CAMSAP1: variants seen among roughly 807,000 people sequenced by gnomAD.
CAMSAP1 encodes the protein calmodulin-regulated spectrin-associated protein 1.
Under a neutral mutation model 143.5 loss-of-function variants are expected in CAMSAP1, and 58 were observed. The observed-to-expected ratio is 0.40, with a 90% CI of 0.33 to 0.50. The LOEUF is 0.50. CAMSAP1 is among the 20% of genes least tolerant of loss of function. CAMSAP1 has a pLI of 0.45. For missense variants in CAMSAP1, 1,969 were observed against 2,115.7 expected (o/e 0.93, Z 1.36); for synonymous variants, 945 against 859.3 (o/e 1.10, Z -1.74).
At chr9:135,814,069 C>T (rs1430225185) in intron 16 of CAMSAP1, among the ~76,000 whole-genome samples, 6 of 152,198 alleles carry the variant, frequency 3.9e-5, no homozygotes, top group Non-Finnish European at 8.8e-5. Flanking sequence ...TCTCCGCATG[C>T]AGGGTGATCC....
At chr9:135,860,597 CAAAAAAAAAAAAAA>C (rs35415924) in intron 5 of CAMSAP1, among the ~76,000 whole-genome samples, 1 of 62,050 alleles carries the variant, frequency 1.6e-5, no homozygotes, top group South Asian at 5.7e-4. Context: ...GACTCTGCCT[CAAAAAAAAAAAAAA>C]AAAAAAAAAA....
chr9:135,833,231 G>A (rs1024212832), intron 7 of CAMSAP1, among the ~76,000 whole-genome samples: 4 of 151,930 alleles, frequency 2.6e-5, no homozygotes, highest in South Asian at 4.2e-4. Flanking sequence ...ACAGGCGCCC[G>A]CCACTACGCC....
chr9:135,868,144 T>A (rs752210633), intron 3 of CAMSAP1, among the ~76,000 whole-genome samples: 11 of 151,298 alleles, frequency 7.3e-5, no homozygotes, highest in Non-Finnish European at 1.3e-4. Context: ...ACAAAAAAGC[T>A]GAGAGAATTC....
intron 4 of CAMSAP1, among the ~76,000 whole-genome samples, chr9:135,865,819 A>C (rs911365037): frequency 2.0e-5 from 3 of 152,144 alleles, no homozygotes; most frequent in African/African-American, 7.2e-5. Flanking sequence ...GTGCCACTGG[A>C]GGGGGAAGAA....
chr9:135,880,858 T>C (rs543980854), intron 3 of CAMSAP1, among the ~76,000 whole-genome samples: 1 of 152,188 alleles, frequency 6.6e-6, no homozygotes, highest in African/African-American at 2.4e-5. Context: ...TTATAAATCA[T>C]TAGACACTAC....
chr9:135,893,462 A>G (rs1838352747), intron 1 of CAMSAP1, among the ~76,000 whole-genome samples: 1 of 152,212 alleles, frequency 6.6e-6, no homozygotes, highest in Non-Finnish European at 1.5e-5. Context: ...GTTGTAGAAC[A>G]GAAAAACATA....
intron 3 of CAMSAP1, among the ~76,000 whole-genome samples, chr9:135,874,487 G>GC (rs1443102724): frequency 6.7e-6 from 1 of 148,154 alleles, no homozygotes; most frequent in African/African-American, 2.5e-5. Context: ...AAGGGGGGGG[G>GC]GGGCCACAGG....
intron 7 of CAMSAP1, among the ~76,000 whole-genome samples, chr9:135,831,530 AAGC>A (rs1392101551): frequency 6.6e-6 from 1 of 152,128 alleles, no homozygotes; most frequent in African/African-American, 2.4e-5. Flanking sequence ...ATTAACGAAG[AAGC>A]AGGACTTTAA....
chr9:135,837,013 G>GA, intron 7 of CAMSAP1: 1 of 870,500 alleles, frequency 1.1e-6, no homozygotes, highest in Non-Finnish European at 1.4e-6. Context: ...ACCTGTTCTA[G>GA]AGACACACGT....
At chr9:135,836,773 G>C in intron 7 of CAMSAP1, 4 of 978,448 alleles carry the variant, frequency 4.1e-6, no homozygotes, top group Non-Finnish European at 4.8e-6. Flanking sequence ...CTTCTACCCT[G>C]TTCTACAGAC....
intron 7 of CAMSAP1, among the ~76,000 whole-genome samples, chr9:135,839,294 T>C (rs1836254392): frequency 6.6e-6 from 1 of 152,212 alleles, no homozygotes; most frequent in Non-Finnish European, 1.5e-5. Context: ...TATGAATAGC[T>C]ATGAGTCTGT....
Position 135,810,249 on chromosome 9 carries a change from G to C in CAMSAP1, c.*1060C>G, listed in dbSNP as rs1046063167. 3 of 152,124 alleles carry C rather than the reference G, an allele frequency of 2.0e-5. No homozygotes were observed. The highest frequency in any genetic ancestry group is 7.2e-5 in the African/African-American group (3 of 41,420). The allele number at this position is 152,124 out of a possible 1,614,324, so 9.4% of individuals were successfully genotyped here. On this transcript the variant is annotated 3_prime_UTR_variant, in exon 17 of 17. Coordinates refer to ENST00000389532, the MANE Select transcript of CAMSAP1 (RefSeq NM_015447.4). ...TAACCACTTAATTGTTTTTAAATAGGCAACAAAACAAAAGTATCCATCTAC... is the reference window on the plus strand; with the variant it reads ...TAACCACTTAATTGTTTTTAAATAGCCAACAAAACAAAAGTATCCATCTAC...
rs1458231385 is a variant in CAMSAP1 at position 135,821,590 on chromosome 9, A to G, written c.3071T>C (p.Ile1024Thr). ...VVDVNECDLS[I>T]EKLNETISTL... ...ACTGATGGTTTCGTTAAGCTTCTCG[A>G]TGGAAAGGTCACATTCATTCACGTC... is the stretch of plus-strand genomic sequence containing the variant. Residue 1024 changes from isoleucine to threonine, a missense_variant, in exon 11 of 17, where the codon ATC (isoleucine) becomes ACC (threonine). Coordinates refer to ENST00000389532, the MANE Select transcript of CAMSAP1 (RefSeq NM_015447.4). The surrounding 1 kb of genome is among the most constrained non-coding windows in gnomAD (Gnocchi z 4.6). The G allele has an allele frequency of 6.2e-7, 1 of 1,613,890 alleles. No homozygotes were observed. Among genetic ancestry groups the G allele is most frequent in the Non-Finnish European group, 8.5e-7 (1 of 1,179,840 alleles).
intron 8 of CAMSAP1, among the ~76,000 whole-genome samples, chr9:135,825,689 GGGCAGCT>G (rs1156397925): frequency 1.3e-5 from 2 of 152,194 alleles, no homozygotes; most frequent in Non-Finnish European, 2.9e-5. Context: ...TCACACTGCA[GGGCAGCT>G]ATCTTGCTTG....
intron 7 of CAMSAP1, among the ~76,000 whole-genome samples, chr9:135,829,281 C>G (rs1307083208): frequency 6.6e-6 from 1 of 151,350 alleles, no homozygotes; most frequent in Non-Finnish European, 1.5e-5. Flanking sequence ...GTGGGAAGAC[C>G]ACTTCAGCTC....
At chr9:135,871,553 T>C (rs1483934457) in intron 3 of CAMSAP1, among the ~76,000 whole-genome samples, 1 of 152,192 alleles carries the variant, frequency 6.6e-6, no homozygotes, top group African/African-American at 2.4e-5. Context: ...TGAAATCAAC[T>C]TACTGTTATT....
intron 1 of CAMSAP1, among the ~76,000 whole-genome samples, chr9:135,903,681 T>C (rs376625264): frequency 1.3e-4 from 20 of 152,242 alleles, no homozygotes; most frequent in East Asian, 5.8e-4. Flanking sequence ...AGCAACCTAA[T>C]GAACAAGCCT....
rs1284060451 is a variant in CAMSAP1 at position 135,882,056 on chromosome 9, A to C, written c.424-262T>G. 6.6e-6 allele frequency among the ~76,000 whole-genome samples: 1 copy of C among 152,192 alleles called. No individual in the cohort carries two copies. Among genetic ancestry groups the C allele is most frequent in the South Asian group, 2.1e-4 (1 of 4,834 alleles). The stretch of plus-strand genomic sequence containing the variant: ...AGGCCAGCCCTGTGGCCCACAGTGC[A>C]CTGTCTCACACTGTCCTTTCTTATC... On this transcript the variant is annotated intron_variant, in intron 2 of 16. Coordinates refer to ENST00000389532, the MANE Select transcript of CAMSAP1 (RefSeq NM_015447.4). The surrounding 1 kb of genome is among the most constrained non-coding windows in gnomAD (Gnocchi z 4.9).
At position 135,811,420 on chromosome 9, in the gene CAMSAP1, G is replaced by A; in HGVS notation, c.4698C>T (p.Asn1566=). The change falls in exon 17 of 17, where the codon AAC becomes AAT. Residue 1566 remains asparagine (N), a synonymous_variant. Transcript: ENST00000389532. This position sits in a 1 kb window ranked among gnomAD's most constrained non-coding sequence, Gnocchi z 4.9. ...CAGACATGGTTTTGGCTGGGATCAA[G>A]TTAAACTGTTTTCGGTCTGAGCTGT... ...YKYSSDRKQF[N]LIPAKTMSVS... 1 of 1,612,948 alleles carries A rather than the reference G, an allele frequency of 6.2e-7. No homozygotes were observed. Among genetic ancestry groups the A allele is most frequent in the South Asian group, 1.1e-5 (1 of 90,780 alleles).
Sources: allele counts gnomAD v4.1 joint callset (sites outside exome capture counted in the v4.1 genomes callset), GRCh38; gene constraint gnomAD v4.1.1; non-coding constraint Gnocchi (gnomAD v3.1); transcripts MANE v1.5; gene names NCBI Gene and HGNC (gene_info 2026-07-23, HGNC 2026-07-21).